Variants in FOXP1 observed in about 807,000 individuals in gnomAD.
FOXP1 encodes the protein forkhead box protein P1.
A neutral mutation model predicts 98.2 loss-of-function variants in FOXP1; 15 were observed. The ratio of observed to expected loss-of-function variants is 0.15; its 90% CI spans 0.10 to 0.24. The LOEUF (loss-of-function observed/expected upper bound fraction) is 0.24. FOXP1 is among the 10% of genes least tolerant of loss of function. The pLI is 1.00. For missense variants in FOXP1, 633 were observed against 848.5 expected (o/e 0.75, Z 3.15); for synonymous variants, 371 against 314.5 (o/e 1.18, Z -1.90).
chr3:71,448,994 G>A (rs1418695249), intron 3 of FOXP1, among the ~76,000 whole-genome samples: 5 of 152,160 alleles, frequency 3.3e-5, no homozygotes, highest in Non-Finnish European at 5.9e-5. Context: ...AACAAAATGC[G>A]TGTTATGACC....
chr3:71,151,660 A>ACTTT (rs2060579065), intron 6 of FOXP1, among the ~76,000 whole-genome samples: 1 of 140,106 alleles, frequency 7.1e-6, no homozygotes, highest in African/African-American at 2.7e-5. Flanking sequence ...TGTCTAAAAC[A>ACTTT]TTTTTTTTTT....
Position 70,958,740 on chromosome 3 carries a change from A to C in FOXP1, c.*507T>G. The C allele has an allele frequency of 7.5e-6, 1 of 133,002 alleles. No homozygotes were observed. The highest frequency in any genetic ancestry group is 1.9e-4 in the East Asian group (1 of 5,352). 8.2% of individuals were successfully genotyped at this position (133,002 alleles called of 1,614,324 possible). A position where few individuals can be genotyped will look rare whatever the true frequency, so the allele number is the denominator to read the frequency against. On this transcript the variant is annotated 3_prime_UTR_variant, in exon 21 of 21. Transcript: ENST00000649528. ...CCTTCCCCATCCCAACTGGAAGCAA[A>C]AAAAAAAAAAAAAAAAAAAAAAAAA...
At chr3:71,039,649 C>T (rs951654983) in intron 11 of FOXP1, among the ~76,000 whole-genome samples, 2 of 151,830 alleles carry the variant, frequency 1.3e-5, no homozygotes, top group East Asian at 1.9e-4. Context: ...GTAATTCAAT[C>T]GCTCTGCAGC....
intron 4 of FOXP1, among the ~76,000 whole-genome samples, chr3:71,301,311 C>A (rs1271312612): frequency 1.3e-5 from 2 of 152,094 alleles, no homozygotes; most frequent in Non-Finnish European, 2.9e-5. Context: ...AGTGAGAAGT[C>A]TATTTCAGGG....
At chr3:71,139,716 T>A (rs918330855) in intron 6 of FOXP1, among the ~76,000 whole-genome samples, 11 of 152,104 alleles carry the variant, frequency 7.2e-5, no homozygotes, top group African/African-American at 2.7e-4. Flanking sequence ...AGAGTCCTCA[T>A]CCCAAGGAAG....
intron 2 of FOXP1, among the ~76,000 whole-genome samples, chr3:71,566,774 G>A (rs779253440): frequency 8.5e-5 from 13 of 152,114 alleles, no homozygotes; most frequent in Non-Finnish European, 1.2e-4. Context: ...TCCTGAAGGC[G>A]CTGGGCTGAC....
rs532505217 is a variant in FOXP1, at chr3:71,139,012, G to A, written c.181-26375C>T. 5.3e-5 allele frequency among the ~76,000 whole-genome samples: 8 copies of A among 152,200 alleles called. No homozygotes were observed. In the South Asian group the frequency reaches 1.2e-3, roughly 24 times the overall value. On this transcript the variant is annotated intron_variant, in intron 6 of 20. Transcript: ENST00000649528. The stretch of plus-strand genomic sequence containing the variant: ...ACTCTGAAAACGGCATCCTGGTTTC[G>A]CATGTTAATTTGGGTTAAAATAAAA...
chr3:71,227,488 T>C (rs777640520), intron 5 of FOXP1, among the ~76,000 whole-genome samples: 2 of 152,228 alleles, frequency 1.3e-5, no homozygotes, highest in Non-Finnish European at 2.9e-5. Context: ...AACGGTCTAT[T>C]GAGTTCTCAG....
Position 70,959,400 on chromosome 3 carries a change from AAT to A in FOXP1, c.1890-11_1890-10del. 6.2e-7 allele frequency: 1 copy of A among 1,614,048 alleles called. No homozygotes were observed. Among genetic ancestry groups the A allele is most frequent in the East Asian group, 2.2e-5 (1 of 44,860 alleles). The stretch of plus-strand genomic sequence containing the variant: ...TGACGTGTACAGGATGCCTGGAAAA[AAT>A]ATGCAGAGGTTCAGTGAGGGTACTT... On this transcript the variant is annotated splice_polypyrimidine_tract_variant and intron_variant, in intron 20 of 20. Coordinates refer to ENST00000649528, the MANE Select transcript of FOXP1 (RefSeq NM_001349338.3).
intron 5 of FOXP1, among the ~76,000 whole-genome samples, chr3:71,250,093 T>G (rs536301974): frequency 6.6e-6 from 1 of 152,316 alleles, no homozygotes; most frequent in African/African-American, 2.4e-5. Context: ...ACCTCAGTAC[T>G]AGGAACATTT....
intron 7 of FOXP1, among the ~76,000 whole-genome samples, chr3:71,075,722 T>G (rs890940172): frequency 1.3e-5 from 2 of 152,008 alleles, no homozygotes; most frequent in Non-Finnish European, 2.9e-5. Context: ...TTTTGTTTTT[T>G]TTTTTTTAAA....
intron 6 of FOXP1, among the ~76,000 whole-genome samples, chr3:71,190,405 G>C (rs1401504007): frequency 2.6e-5 from 4 of 151,538 alleles, no homozygotes; most frequent in African/African-American, 7.3e-5. Context: ...GAGCCCAGGA[G>C]TTCAAGACCA....
intron 3 of FOXP1, among the ~76,000 whole-genome samples, chr3:71,406,904 G>C (rs1256974578): frequency 2.6e-5 from 4 of 152,152 alleles, no homozygotes; most frequent in Admixed American, 2.6e-4. Flanking sequence ...CTGCAACTTA[G>C]GTACCAAGCA....
rs915794124 is a variant in FOXP1 at position 71,225,692 on chromosome 3, C to T, written c.-11-27300G>A. Among the ~76,000 whole-genome samples the T allele has an allele frequency of 2.6e-5, 4 of 152,330 alleles. No individual in the cohort carries two copies. The East Asian group carries it at 5.8e-4, about 22-fold the overall frequency. ...AGAAATAGCTAGCGATTTTTCTCATCTCATTTCTAGTTCTCTGCCCACTTG... is the reference window on the plus strand; with the variant it reads ...AGAAATAGCTAGCGATTTTTCTCATTTCATTTCTAGTTCTCTGCCCACTTG... On this transcript the variant is annotated intron_variant, in intron 5 of 20. Transcript: ENST00000649528.
rs1028455579 is a variant in FOXP1 at position 70,957,940 on chromosome 3, G to GCGC, written c.*1304_*1306dup. ...AGGTCTGAACTAATGTATAAACTCA[G>GCGC]CGCCGCCGCCGCCACCCCTACTTTC... On this transcript the variant is annotated 3_prime_UTR_variant, in exon 21 of 21. Coordinates refer to ENST00000649528, the MANE Select transcript of FOXP1 (RefSeq NM_001349338.3). The GCGC allele has an allele frequency of 1.6e-5, 4 of 244,736 alleles. No homozygotes were observed. The highest frequency in any genetic ancestry group is 5.9e-5 in the East Asian group (1 of 17,064). 15.2% of individuals were successfully genotyped at this position (244,736 alleles called of 1,614,324 possible). A position where few individuals can be genotyped will look rare whatever the true frequency, so the allele number is the denominator to read the frequency against.
intron 4 of FOXP1, among the ~76,000 whole-genome samples, chr3:71,347,165 TA>T (rs1173600408): frequency 3.9e-5 from 6 of 152,216 alleles, no homozygotes; most frequent in Non-Finnish European, 7.3e-5. Context: ...GTTTGGGTTT[TA>T]AAAAATTCCT....
intron 2 of FOXP1, among the ~76,000 whole-genome samples, chr3:71,536,311 G>A (rs1169902209): frequency 1.3e-5 from 2 of 152,052 alleles, no homozygotes; most frequent in African/African-American, 2.4e-5. Context: ...TGTGACCCAC[G>A]AATTGCAGAA....
chr3:71,309,166 T>C (rs2074512717), intron 4 of FOXP1, among the ~76,000 whole-genome samples: 1 of 152,184 alleles, frequency 6.6e-6, no homozygotes, highest in South Asian at 2.1e-4. Context: ...AATGTATCTG[T>C]TCCATGTGTC....
At chr3:71,342,674 C>G (rs1359910604) in intron 4 of FOXP1, among the ~76,000 whole-genome samples, 1 of 137,960 alleles carries the variant, frequency 7.2e-6, no homozygotes, top group African/African-American at 2.6e-5. Flanking sequence ...GCCTGGGTGA[C>G]AGAGACTCCG....
Sources: gnomAD v4.1 joint callset for allele counts (sites outside exome capture counted in the v4.1 genomes callset) on GRCh38, gnomAD v4.1.1 for gene constraint, MANE v1.5 for transcripts, NCBI Gene and HGNC (gene_info 2026-07-23, HGNC 2026-07-21) for gene names.